The following ARHGAP24 variants were observed in gnomAD, a reference collection of about 807,000 sequenced individuals.
ARHGAP24 encodes the protein rho GTPase-activating protein 24.
ARHGAP24 carries 50 observed loss-of-function variants against 76.4 expected under a neutral mutation model. The observed-to-expected ratio is 0.65, with a 90% CI of 0.52 to 0.83. The LOEUF (loss-of-function observed/expected upper bound fraction) is 0.83, where lower values mean the gene tolerates loss of function less well. Among genes scored for constraint, ARHGAP24 ranks in the 40% least tolerant of loss-of-function variants. The probability of loss-of-function intolerance (pLI) is 0.00; values close to 1 mark genes in which losing one functional copy is unlikely to be tolerated. For synonymous variants in ARHGAP24, 345 were observed against 323.3 expected (o/e 1.07, Z -0.72); for missense variants, 930 against 914.2 (o/e 1.02, Z -0.22).
intron 3 of ARHGAP24, among the ~76,000 whole-genome samples, chr4:85,749,322 A>G (rs1578195130): frequency 6.6e-6 from 1 of 152,226 alleles, no homozygotes; most frequent in Non-Finnish European, 1.5e-5. Context: ...CAACTATGTT[A>G]TTCCATATTG....
intron 2 of ARHGAP24, among the ~76,000 whole-genome samples, chr4:85,667,238 A>G (rs1299031766): frequency 3.3e-5 from 5 of 152,184 alleles, no homozygotes; most frequent in Admixed American, 6.5e-5. Context: ...GCCGCCTTGC[A>G]GTTTGATCTC....
At position 85,576,240 on chromosome 4, in the gene ARHGAP24, C is replaced by G. The variant is rs558287181; in HGVS notation, c.180+5519C>G. Among the ~76,000 whole-genome samples, 39 of 152,026 alleles carry G rather than the reference C, an allele frequency of 2.6e-4. 1 individual carries two copies. In the East Asian group the frequency reaches 7.4e-3, roughly 29 times the overall value. On this transcript the variant is annotated intron_variant, in intron 2 of 9. Transcript: ENST00000395184. ...GTCAGATCGAGACTATCCTGGCTAA[C>G]ACGGTGAAACCCCGTCTCTACTAAA...
At chr4:85,705,816 T>C (rs1276890949) in intron 2 of ARHGAP24, among the ~76,000 whole-genome samples, 1 of 152,212 alleles carries the variant, frequency 6.6e-6, no homozygotes, top group African/African-American at 2.4e-5. Context: ...TGTTGGATAC[T>C]GTTTTAGAGC....
intron 3 of ARHGAP24, among the ~76,000 whole-genome samples, chr4:85,921,701 C>A (rs989420755): frequency 1.3e-4 from 20 of 152,230 alleles, no homozygotes; most frequent in Admixed American, 1.2e-3. Context: ...GACCCCAACC[C>A]CTGGGCCCCA....
At chr4:85,889,410 A>G (rs1411951103) in intron 3 of ARHGAP24, among the ~76,000 whole-genome samples, 1 of 152,234 alleles carries the variant, frequency 6.6e-6, no homozygotes, top group Non-Finnish European at 1.5e-5. Flanking sequence ...ATATTTACAG[A>G]TTAAATAACA....
intron 1 of ARHGAP24, among the ~76,000 whole-genome samples, chr4:85,503,067 C>T (rs1459991216): frequency 6.6e-6 from 1 of 152,184 alleles, no homozygotes; most frequent in African/African-American, 2.4e-5. Context: ...AGGGATGAAG[C>T]CGACTTGATC....
intron 3 of ARHGAP24, chr4:85,827,872 C>G: frequency 1.6e-6 from 2 of 1,284,992 alleles, no homozygotes; most frequent in East Asian, 5.6e-5. Context: ...GAGTTGGGCT[C>G]GAATGTGCTT....
In ARHGAP24 at chr4:85,606,513, AAAAAAAAAAAAGG is replaced by A. The variant is rs1174992953; in HGVS notation, c.180+35797_180+35809del. ...GGGCGACAGAGCGAGACTCCATTTC[AAAAAAAAAAAAGG>A]AAAAGAAAAAGGATAAGATAAAGAT... On this transcript the variant is annotated intron_variant, in intron 2 of 9. Coordinates refer to ENST00000395184, the MANE Select transcript of ARHGAP24 (RefSeq NM_001025616.3). Among the ~76,000 whole-genome samples, 3 of 960 alleles carry A rather than the reference AAAAAAAAAAAAGG, an allele frequency of 3.1e-3. No individual in the cohort carries two copies. In the East Asian group the frequency reaches 0.3, roughly 96 times the overall value. 0.6% of individuals were successfully genotyped at this position (960 alleles called of 152,430 possible). A position where few individuals can be genotyped will look rare whatever the true frequency, so the allele number is the denominator to read the frequency against.
At chr4:85,854,221 A>T (rs1311856563) in intron 3 of ARHGAP24, among the ~76,000 whole-genome samples, 2 of 152,124 alleles carry the variant, frequency 1.3e-5, no homozygotes, top group Non-Finnish European at 2.9e-5. Context: ...CATAAATCTC[A>T]GAGGCAAAAT....
intron 2 of ARHGAP24, among the ~76,000 whole-genome samples, chr4:85,581,297 G>GA (rs1268308998): frequency 2.6e-5 from 4 of 152,092 alleles, no homozygotes; most frequent in Non-Finnish European, 4.4e-5. Context: ...AGTTAGAAAA[G>GA]ATTAATAGAA....
intron 1 of ARHGAP24, among the ~76,000 whole-genome samples, chr4:85,554,367 A>G (rs1236168741): frequency 2.0e-5 from 3 of 152,132 alleles, no homozygotes; most frequent in Non-Finnish European, 4.4e-5. Context: ...GAGGTTAAGG[A>G]AGTTTTCATG....
intron 3 of ARHGAP24, among the ~76,000 whole-genome samples, chr4:85,859,212 TACACAC>T (rs10645010): frequency 6.9e-6 from 1 of 145,540 alleles, no homozygotes; most frequent in Non-Finnish European, 1.5e-5. Context: ...GCCACATGCA[TACACAC>T]ACACACACAC....
At chr4:85,545,928 A>G (rs570318246) in intron 1 of ARHGAP24, among the ~76,000 whole-genome samples, 2 of 152,312 alleles carry the variant, frequency 1.3e-5, no homozygotes, top group African/African-American at 4.8e-5. Flanking sequence ...TTACATTTAC[A>G]TAATATTTGA....
intron 3 of ARHGAP24, among the ~76,000 whole-genome samples, chr4:85,775,987 T>C (rs1480103816): frequency 1.3e-5 from 2 of 152,114 alleles, no homozygotes; most frequent in African/African-American, 4.8e-5. Context: ...GAGGTGTACG[T>C]ATGTGCTGGA....
At chr4:85,715,388 T>A (rs1724693972) in intron 2 of ARHGAP24, among the ~76,000 whole-genome samples, 1 of 152,122 alleles carries the variant, frequency 6.6e-6, no homozygotes, top group Non-Finnish European at 1.5e-5. Flanking sequence ...CTTAAAGGTC[T>A]GGTATATTAG....
chr4:85,707,593 T>C (rs1226346996), intron 2 of ARHGAP24, among the ~76,000 whole-genome samples: 1 of 152,198 alleles, frequency 6.6e-6, no homozygotes, highest in African/African-American at 2.4e-5. Flanking sequence ...GGATCCCTTA[T>C]AGATTTTTTA....
At chr4:85,717,731 A>C (rs1278783887) in intron 2 of ARHGAP24, among the ~76,000 whole-genome samples, 2 of 152,086 alleles carry the variant, frequency 1.3e-5, no homozygotes, top group African/African-American at 4.8e-5. Context: ...TTTCCTAACT[A>C]ATCAGCCTGC....
chr4:85,611,184 C>CTGCTACA (rs1720371136), intron 2 of ARHGAP24, among the ~76,000 whole-genome samples: 1 of 152,062 alleles, frequency 6.6e-6, no homozygotes, highest in Non-Finnish European at 1.5e-5. Flanking sequence ...ACATGTGAAA[C>CTGCTACA]TGGGAAGCAT....
At chr4:85,573,349 A>T (rs1727216034) in intron 2 of ARHGAP24, among the ~76,000 whole-genome samples, 1 of 152,222 alleles carries the variant, frequency 6.6e-6, no homozygotes, top group Non-Finnish European at 1.5e-5. Flanking sequence ...TAATATACAA[A>T]CATTCTATAT....
Sources: allele counts gnomAD v4.1 joint callset (sites outside exome capture counted in the v4.1 genomes callset), GRCh38; gene constraint gnomAD v4.1.1; transcripts MANE v1.5; gene names NCBI Gene and HGNC (gene_info 2026-07-23, HGNC 2026-07-21).